The following RIN2 variants were observed in gnomAD, a reference collection of about 807,000 sequenced individuals.
RIN2 encodes Ras and Rab interactor 2, also known as RAB5 interacting protein 2.
In RIN2, 36 loss-of-function variants were observed where a neutral mutation model predicts 78.0. The observed-to-expected ratio is 0.46, with a 90% confidence interval of 0.35 to 0.61. The LOEUF (loss-of-function observed/expected upper bound fraction) is 0.61. Ranked by LOEUF, RIN2 falls within the 20% of genes least tolerant of loss-of-function variation. RIN2 has a pLI of 0.00. For missense variants in RIN2, 1,087 were observed against 1,159.7 expected, an observed-to-expected ratio of 0.94 and a Z score of 0.91; for synonymous variants, 466 against 466.8, an observed-to-expected ratio of 1.00 and a Z score of 0.02.
At chr20:19,858,179 TG>T (rs1239601738) in intron 2 of RIN2, among the ~76,000 whole-genome samples, 1 of 152,244 alleles carries the variant, frequency 6.6e-6, no homozygotes, top group East Asian at 1.9e-4. Context: ...AAGACATTTT[TG>T]CCTACTCCTT....
chr20:19,974,455 C>T (rs1047476562), intron 8 of RIN2, among the ~76,000 whole-genome samples, 199 bp from the exon 9 acceptor site: 1 of 152,156 alleles, frequency 6.6e-6, no homozygotes, highest in African/African-American at 2.4e-5. Context: ...CCCCTGGAGC[C>T]TTCCTGTGAG....
At chr20:19,942,301 C>A (rs1194606697) in intron 4 of RIN2, among the ~76,000 whole-genome samples, 1 of 152,042 alleles carries the variant, frequency 6.6e-6, no homozygotes, top group Non-Finnish European at 1.5e-5. Context: ...TCCCAAGAAC[C>A]TCAGGTGGGA....
intron 9 of RIN2, among the ~76,000 whole-genome samples, chr20:19,985,786 G>A (rs2042602854): frequency 6.6e-6 from 1 of 152,158 alleles, no homozygotes; most frequent in South Asian, 2.1e-4. Context: ...AAGGTTTCAG[G>A]TGTTTGTTTT....
intron 2 of RIN2, among the ~76,000 whole-genome samples, chr20:19,837,190 A>ACACG (rs897700776): frequency 6.6e-6 from 1 of 151,668 alleles, no homozygotes; most frequent in Non-Finnish European, 1.5e-5. Context: ...ACACACACAC[A>ACACG]CACACACACA....
intron 3 of RIN2, among the ~76,000 whole-genome samples, chr20:19,922,294 C>G (rs1462642858): frequency 3.3e-5 from 5 of 152,136 alleles, no homozygotes; most frequent in African/African-American, 4.8e-5. Flanking sequence ...CCCTGGAGAC[C>G]CTTCATGGTC....
At chr20:19,832,674 G>T (rs1208953737) in intron 2 of RIN2, among the ~76,000 whole-genome samples, 1 of 152,016 alleles carries the variant, frequency 6.6e-6, no homozygotes, top group Admixed American at 6.5e-5. Context: ...TAACAGTTCT[G>T]GAGTCTAGGA....
chr20:19,784,535 C>T (rs2034611615), intron 1 of RIN2, among the ~76,000 whole-genome samples: 1 of 151,972 alleles, frequency 6.6e-6, no homozygotes, highest in South Asian at 2.1e-4. Flanking sequence ...TGCCTGCATC[C>T]AAATCTCTTA....
chr20:19,935,033 C>T (rs924015210), intron 3 of RIN2, 66 bp from the exon 4 acceptor site: 108 of 1,208,512 alleles, frequency 8.9e-5, no homozygotes, highest in Non-Finnish European at 1.3e-4. Flanking sequence ...CCTGAGTTCC[C>T]CGGGCGCTGT....
rs760230679 is a variant in RIN2 at position 19,917,774 on chromosome 20, C to T, written c.58-17325C>T. 1.1e-4 allele frequency among the ~76,000 whole-genome samples: 16 copies of T among 151,958 alleles called. No individual in the cohort carries two copies. In the East Asian group the frequency reaches 2.1e-3, roughly 20 times the overall value. ...CATCTCAAGAAATATGTTTTAAAGG[C>T]GGAATCGCCTTTTAAAGGCGGAATA... On this transcript the variant is annotated intron_variant, in intron 3 of 12. Coordinates refer to ENST00000255006, the MANE Select transcript of RIN2 (RefSeq NM_018993.4).
intron 3 of RIN2, among the ~76,000 whole-genome samples, chr20:19,925,000 A>G (rs1471802768): frequency 1.3e-5 from 2 of 150,708 alleles, no homozygotes; most frequent in African/African-American, 2.4e-5. Context: ...CGGCCTCCCA[A>G]AGTGCTGGGA....
At chr20:19,797,777 G>A (rs1451529580) in intron 1 of RIN2, among the ~76,000 whole-genome samples, 2 of 152,106 alleles carry the variant, frequency 1.3e-5, no homozygotes, top group East Asian at 1.9e-4. Context: ...TAACATTGAC[G>A]GTGGTGGCAG....
In RIN2 at chr20:20,001,515, A is replaced by G. The variant is rs1037335746; in HGVS notation, c.*579A>G. ...ATTCTATAATTATGCATGTGATTTT[A>G]ACATTTAATATTCAAAAATAAATCT... On this transcript the variant is annotated 3_prime_UTR_variant, in exon 13 of 13. Coordinates refer to ENST00000255006, the MANE Select transcript of RIN2 (RefSeq NM_018993.4). The G allele has an allele frequency of 6.6e-6, 1 of 152,492 alleles. No homozygotes were observed. The highest frequency in any genetic ancestry group is 1.5e-5 in the Non-Finnish European group (1 of 68,020). 9.4% of individuals were successfully genotyped at this position (152,492 alleles called of 1,614,324 possible). A position where few individuals can be genotyped will look rare whatever the true frequency, so the allele number is the denominator to read the frequency against.
chr20:19,858,793 C>G (rs1167811535), intron 2 of RIN2, among the ~76,000 whole-genome samples: 1 of 152,110 alleles, frequency 6.6e-6, no homozygotes. Context: ...ATCTGTCTTC[C>G]TACAATCAAG....
intron 3 of RIN2, among the ~76,000 whole-genome samples, chr20:19,921,526 G>A (rs375044379): frequency 6.6e-6 from 1 of 152,206 alleles, no homozygotes; most frequent in African/African-American, 2.4e-5. Flanking sequence ...GCCAGGGACT[G>A]CTCTGAGCTG....
At chr20:19,890,679 CAAAAAAAAAAAAA>C (rs534202183) in intron 3 of RIN2, among the ~76,000 whole-genome samples, 1 of 64,448 alleles carries the variant, frequency 1.6e-5, no homozygotes, top group African/African-American at 5.7e-5. Context: ...GTTGACTCTA[CAAAAAAAAAAAAA>C]AAAAAAAAAA....
In RIN2 at chr20:19,975,806, A is replaced by T. The variant is rs771103046; in HGVS notation, c.1762+19A>T. On this transcript the variant is annotated intron_variant, in intron 9 of 12. Coordinates refer to ENST00000255006, the MANE Select transcript of RIN2 (RefSeq NM_018993.4). This position sits in a 1 kb window ranked among gnomAD's most constrained non-coding sequence, Gnocchi z 4.9. ...CAAATAGGTAAGTACCCTCTTTTTTAAAATATAAAATCTATTGTAACTCTG... is the reference window on the plus strand; with the variant it reads ...CAAATAGGTAAGTACCCTCTTTTTTTAAATATAAAATCTATTGTAACTCTG... 99 of 1,575,278 alleles carry T rather than the reference A, an allele frequency of 6.3e-5. No individual in the cohort carries two copies. Among genetic ancestry groups the T allele is most frequent in the Admixed American group, 1.6e-4 (9 of 55,248 alleles).
chr20:19,843,294 G>C (rs970591488), intron 2 of RIN2, among the ~76,000 whole-genome samples: 3 of 152,176 alleles, frequency 2.0e-5, no homozygotes, highest in African/African-American at 7.2e-5. Context: ...GTTCTACTGT[G>C]GGTAAAATGC....
intron 4 of RIN2, among the ~76,000 whole-genome samples, chr20:19,952,565 A>G (rs1600922268): frequency 6.6e-6 from 1 of 152,198 alleles, no homozygotes; most frequent in Non-Finnish European, 1.5e-5. Flanking sequence ...CTTATTCACC[A>G]TCTTCCTGTC....
intron 12 of RIN2, among the ~76,000 whole-genome samples, chr20:19,997,318 G>A (rs999382517): frequency 3.3e-5 from 5 of 152,212 alleles, no homozygotes; most frequent in African/African-American, 7.2e-5. Context: ...AGCCGTCCAC[G>A]GCGCAGAGTG....
Sources: allele counts gnomAD v4.1 joint callset (sites outside exome capture counted in the v4.1 genomes callset), GRCh38; gene constraint gnomAD v4.1.1; non-coding constraint Gnocchi (gnomAD v3.1); transcripts MANE v1.5; gene names NCBI Gene and HGNC (gene_info 2026-07-23, HGNC 2026-07-21).